SLC17A8: variants seen among roughly 807,000 people sequenced by gnomAD.
The protein encoded by SLC17A8 is vesicular glutamate transporter 3.
In SLC17A8, 31 loss-of-function variants were observed where a neutral mutation model predicts 58.0. That is an observed-to-expected ratio of 0.53 (90% confidence interval 0.40 to 0.72). The LOEUF is 0.72. Among genes scored for constraint, SLC17A8 ranks in the 30% least tolerant of loss-of-function variants. The probability of loss-of-function intolerance (pLI) is 0.00; values close to 1 mark genes in which losing one functional copy is unlikely to be tolerated. For missense variants in SLC17A8, 655 were observed against 727.8 expected (o/e 0.90, Z 1.15); for synonymous variants, 228 against 249.0 (o/e 0.92, Z 0.79).
chr12:100,382,637 C>T (rs1952645753), intron 2 of SLC17A8, among the ~76,000 whole-genome samples: 1 of 152,160 alleles, frequency 6.6e-6, no homozygotes, highest in Non-Finnish European at 1.5e-5. Context: ...GAAATCACTG[C>T]ACTGCAGGCT....
chr12:100,389,085 G>A (rs1434403025), intron 2 of SLC17A8, among the ~76,000 whole-genome samples: 1 of 152,180 alleles, frequency 6.6e-6, no homozygotes, highest in Non-Finnish European at 1.5e-5. Context: ...TCTGAGGAAG[G>A]ACCATTTACA....
Position 100,357,300 on chromosome 12 carries a change from A to G in SLC17A8, c.-92A>G. On this transcript the variant is annotated 5_prime_UTR_variant, in exon 1 of 12. Coordinates refer to ENST00000323346, the MANE Select transcript of SLC17A8 (RefSeq NM_139319.3). Reference sequence around the variant, plus strand: ...AGAACTGACTTCCAGGTGTTCACCAAGGGAAACAAGGTGGTTCTCACACTG... The same window carrying G: ...AGAACTGACTTCCAGGTGTTCACCAGGGGAAACAAGGTGGTTCTCACACTG... 1 of 813,404 alleles carries G rather than the reference A, an allele frequency of 1.2e-6. No individual in the cohort carries two copies. The highest frequency in any genetic ancestry group is 2.3e-4 in the Middle Eastern group (1 of 4,408). The allele number at this position is 813,404 out of a possible 1,614,324, so 50.4% of individuals were successfully genotyped here.
At chr12:100,392,421 A>G (rs1952723297) in intron 3 of SLC17A8, among the ~76,000 whole-genome samples, 2 of 152,204 alleles carry the variant, frequency 1.3e-5, no homozygotes, top group Admixed American at 6.5e-5. Context: ...GTTGCAATAT[A>G]AAATATATTT....
At chr12:100,397,294 C>A (rs1026223622) in intron 5 of SLC17A8, among the ~76,000 whole-genome samples, 7 of 152,196 alleles carry the variant, frequency 4.6e-5, no homozygotes, top group African/African-American at 1.7e-4. Context: ...GGAGCTAGAA[C>A]AAGACCTGAC....
chr12:100,392,721 T>C (rs1177490825), intron 3 of SLC17A8, among the ~76,000 whole-genome samples: 2 of 152,160 alleles, frequency 1.3e-5, no homozygotes, highest in African/African-American at 2.4e-5. Flanking sequence ...CTTGCTCTCT[T>C]TTCCCAGGGC....
At chr12:100,393,065 G>C (rs1952727861) in intron 3 of SLC17A8, among the ~76,000 whole-genome samples, 1 of 152,126 alleles carries the variant, frequency 6.6e-6, no homozygotes, top group South Asian at 2.1e-4. Context: ...GTCTAGCTTG[G>C]GGTGCACTAG....
In SLC17A8 at chr12:100,418,275, G is replaced by A. The variant is rs1375279365; in HGVS notation, c.1425+119G>A. 3.1e-6 allele frequency: 4 copies of A among 1,280,502 alleles called. No individual in the cohort carries two copies. The South Asian group carries it at 3.7e-5, about 12-fold the overall frequency. 79.3% of individuals were successfully genotyped at this position (1,280,502 alleles called of 1,614,324 possible). A position where few individuals can be genotyped will look rare whatever the true frequency, so the allele number is the denominator to read the frequency against. On this transcript the variant is annotated intron_variant, in intron 11 of 11. Coordinates refer to ENST00000323346, the MANE Select transcript of SLC17A8 (RefSeq NM_139319.3). ...TGTGTATGTCCTTGACCTTGACTGA[G>A]TCAGCTGAACTTCTTTTTTTTTTCT...
intron 5 of SLC17A8, among the ~76,000 whole-genome samples, chr12:100,399,542 G>A (rs1347689893): frequency 6.6e-6 from 1 of 152,092 alleles, no homozygotes; most frequent in Non-Finnish European, 1.5e-5. Context: ...TACAATCACG[G>A]CAGGAGGCAA....
chr12:100,418,628 G>T (rs746492522), intron 11 of SLC17A8, among the ~76,000 whole-genome samples: 3 of 152,218 alleles, frequency 2.0e-5, no homozygotes, highest in Non-Finnish European at 4.4e-5. Flanking sequence ...TTGTTACTGA[G>T]CCTTTGTGAA....
chr12:100,413,242 C>T (rs990135688), intron 10 of SLC17A8, among the ~76,000 whole-genome samples: 8 of 152,144 alleles, frequency 5.3e-5, no homozygotes, highest in Admixed American at 3.3e-4. Context: ...TTTTTCAAGC[C>T]TCGCCCTCTT....
chr12:100,358,732 G>A lies in SLC17A8; in HGVS notation c.101+1240G>A, dbSNP rs190302660. Among the ~76,000 whole-genome samples the A allele has an allele frequency of 3.3e-5, 5 of 152,226 alleles. No homozygotes were observed. The East Asian group carries it at 5.8e-4, about 18-fold the overall frequency. ...TTCCGTTGAGCACTCCCCAGGTAAC[G>A]TCTTATTGTGTTGGCGTTCATTTGA... is the stretch of plus-strand genomic sequence containing the variant. On this transcript the variant is annotated intron_variant, in intron 1 of 11. Coordinates refer to ENST00000323346, the MANE Select transcript of SLC17A8 (RefSeq NM_139319.3).
chr12:100,396,566 T>C (rs1392629922), intron 5 of SLC17A8, 149 bp downstream of exon 5: 1 of 639,466 alleles, frequency 1.6e-6, no homozygotes, highest in Non-Finnish European at 2.8e-6. Context: ...CTGGACAATA[T>C]AGTGACACTT....
intron 1 of SLC17A8, among the ~76,000 whole-genome samples, chr12:100,367,858 G>A (rs964713435): frequency 6.6e-6 from 1 of 152,120 alleles, no homozygotes; most frequent in African/African-American, 2.4e-5. Flanking sequence ...CAGCTTTCAA[G>A]TTATTTTTTT....
At position 100,377,593 on chromosome 12, in the gene SLC17A8, T is replaced by A. The variant is rs1305869503; in HGVS notation, c.102-3108T>A. On this transcript the variant is annotated intron_variant, in intron 1 of 11. Transcript: ENST00000323346. Reference sequence around the variant, plus strand: ...GATATATATATATATATATTTTTTTTTTTTTTTTTTTTTTTGAGACGGAGT... The same window carrying A: ...GATATATATATATATATATTTTTTTATTTTTTTTTTTTTTTGAGACGGAGT... 2.4e-3 allele frequency among the ~76,000 whole-genome samples: 312 copies of A among 131,640 alleles called. 1 individual carries two copies. Among genetic ancestry groups the A allele is most frequent in the African/African-American group, 8.3e-3 (265 of 31,796 alleles). The allele number at this position is 131,640 out of a possible 152,430, so 86.4% of individuals were successfully genotyped here.
At position 100,396,369 on chromosome 12, in the gene SLC17A8, T is replaced by A. The variant is rs1952753908; in HGVS notation, c.628T>A (p.Trp210Arg). ...YPACHGMWSK[W>R]APPLERSRLA... ...AGCCTGCCATGGGATGTGGAGTAAG[T>A]GGGCACCACCTTTGGAGAGAAGCCG... The change falls in exon 5 of 12, where the codon TGG becomes AGG. Residue 210 changes from tryptophan (W) to arginine (R), a missense_variant. Physicochemically the swap from Trp to Arg is moderately radical, Grantham distance 101. Transcript: ENST00000323346. The A allele has an allele frequency of 5.6e-6, 9 of 1,614,148 alleles. No individual in the cohort carries two copies. Among genetic ancestry groups the A allele is most frequent in the Non-Finnish European group, 7.6e-6 (9 of 1,180,024 alleles).
intron 2 of SLC17A8, among the ~76,000 whole-genome samples, chr12:100,383,762 G>C (rs1436009066): frequency 1.3e-5 from 2 of 151,302 alleles, no homozygotes; most frequent in African/African-American, 4.9e-5. Context: ...TTAGTGAAGT[G>C]GTGTGATCAT....
intron 3 of SLC17A8, among the ~76,000 whole-genome samples, chr12:100,392,189 TAA>T (rs1952721541): frequency 6.6e-6 from 1 of 152,092 alleles, no homozygotes; most frequent in Non-Finnish European, 1.5e-5. Context: ...ATTCCATTTT[TAA>T]AAAGTGGTTT....
rs1428134727 is a variant in SLC17A8 at position 100,357,189 on chromosome 12, G to A, written c.-203G>A. ...TTGGACTCTTTTTTGGAGGGGTGGG[G>A]AGCAGAGAGAGGAGGGAGTTGTCTT... On this transcript the variant is annotated 5_prime_UTR_variant, in exon 1 of 12. Coordinates refer to ENST00000323346, the MANE Select transcript of SLC17A8 (RefSeq NM_139319.3). The A allele has an allele frequency of 1.8e-6, 1 of 551,852 alleles. No homozygotes were observed. The highest frequency in any genetic ancestry group is 3.3e-6 in the Non-Finnish European group (1 of 305,252). 34.2% of individuals were successfully genotyped at this position (551,852 alleles called of 1,614,324 possible).
Position 100,384,314 on chromosome 12 carries a change from T to C in SLC17A8, c.354+3361T>C, listed in dbSNP as rs138744016. ...ACTGGCTCGAGTTAAAAGGGGATTA[T>C]TGGGGCCCGGCATGGTGGCTCATGC... is the stretch of plus-strand genomic sequence containing the variant. On this transcript the variant is annotated intron_variant, in intron 2 of 11. Coordinates refer to ENST00000323346, the MANE Select transcript of SLC17A8 (RefSeq NM_139319.3). 7.4e-3 allele frequency among the ~76,000 whole-genome samples: 1,130 copies of C among 152,194 alleles called. 15 individuals carry two copies. The highest frequency in any genetic ancestry group is 0.026 in the African/African-American group (1,064 of 41,516).
Sources: gnomAD v4.1 joint callset for allele counts (sites outside exome capture counted in the v4.1 genomes callset) on GRCh38, gnomAD v4.1.1 for gene constraint, MANE v1.5 for transcripts, NCBI Gene and HGNC (gene_info 2026-07-23, HGNC 2026-07-21) for gene names.